The following CNMD variants were observed in gnomAD, a reference collection of about 807,000 sequenced individuals.
CNMD encodes the protein leukocyte cell-derived chemotaxin 1.
A neutral mutation model predicts 37.5 loss-of-function variants in CNMD; 30 were observed. The ratio of observed to expected loss-of-function variants is 0.80; its 90% confidence interval spans 0.60 to 1.09. CNMD has a LOEUF of 1.09. Ranked by LOEUF, CNMD falls within the 50% of genes least tolerant of loss-of-function variation. The probability of loss-of-function intolerance (pLI) is 0.00; values close to 1 mark genes in which losing one functional copy is unlikely to be tolerated. For missense variants in CNMD, 398 were observed against 423.9 expected (o/e 0.94, Z 0.54); for synonymous variants, 167 against 148.2 (o/e 1.13, Z -0.92).
At chr13:52,716,388 A>G (rs1964381854) in intron 4 of CNMD, among the ~76,000 whole-genome samples, 1 of 152,106 alleles carries the variant, frequency 6.6e-6, no homozygotes, top group Non-Finnish European at 1.5e-5. Flanking sequence ...TTTTATTGCC[A>G]TTGCTTTTGG....
intron 3 of CNMD, among the ~76,000 whole-genome samples, chr13:52,724,417 C>CAAA (rs71094319): frequency 0.01 from 869 of 85,772 alleles, 22 homozygotes; most frequent in African/African-American, 0.028. Context: ...ACTAAAAATA[C>CAAA]AAAAAAAAAA....
rs1484094316 is a variant in CNMD at position 52,724,035 on chromosome 13, C to A, written c.430G>T (p.Val144Leu). 7 of 1,614,102 alleles carry A rather than the reference C, an allele frequency of 4.3e-6. No individual in the cohort carries two copies. In the African/African-American group the frequency reaches 6.7e-5, roughly 15 times the overall value. The change falls in exon 4 of 7, where the codon GTG becomes TTG. Residue 144 changes from valine to leucine, a missense_variant. Physicochemically the swap from Val to Leu is conservative, Grantham distance 32. Transcript: ENST00000377962. ...ATGCTCTGTTTGGTCACGGCGCCCA[C>A]CTCAGGAATACGAGCCTTCACTTGC... is the stretch of plus-strand genomic sequence containing the variant. The part of the protein sequence containing the change: ...KAQVKARIPE[V>L]GAVTKQSISS...
At chr13:52,705,029 G>T (rs768901398) in intron 6 of CNMD, among the ~76,000 whole-genome samples, 1 of 150,424 alleles carries the variant, frequency 6.6e-6, no homozygotes, top group Non-Finnish European at 1.5e-5. Flanking sequence ...TTGCACTCCC[G>T]CCTGGGTAAC....
At chr13:52,724,389 C>T (rs1036082847) in intron 3 of CNMD, among the ~76,000 whole-genome samples, 2 of 120,556 alleles carry the variant, frequency 1.7e-5, no homozygotes, top group African/African-American at 3.2e-5. Flanking sequence ...CTGGCTAACA[C>T]GGTGAAACCC....
chr13:52,711,078 C>T (rs777260082), intron 5 of CNMD, among the ~76,000 whole-genome samples: 2 of 152,154 alleles, frequency 1.3e-5, no homozygotes, highest in Non-Finnish European at 2.9e-5. Context: ...TGCAAAACTC[C>T]CTGAGGGCAC....
At chr13:52,704,461 A>ATATAGC (rs5803605) in intron 6 of CNMD, among the ~76,000 whole-genome samples, 1 of 152,012 alleles carries the variant, frequency 6.6e-6, no homozygotes, top group Non-Finnish European at 1.5e-5. Context: ...TTTTATGTAA[A>ATATAGC]TATATAAACA....
chr13:52,733,003 A>T (rs1964698462), intron 3 of CNMD: 3 of 572,012 alleles, frequency 5.2e-6, no homozygotes, highest in Admixed American at 6.7e-5. Context: ...GGTATTTTAC[A>T]ACTGAAGTGT....
At chr13:52,736,536 T>C (rs928774304) in intron 2 of CNMD, among the ~76,000 whole-genome samples, 9 of 152,180 alleles carry the variant, frequency 5.9e-5, no homozygotes, top group Admixed American at 4.6e-4. Flanking sequence ...GGCAGTCCAG[T>C]TTCTAACATA....
In CNMD at chr13:52,703,454, C is replaced by T. The variant is rs1342941285; in HGVS notation, c.*141G>A. The T allele has an allele frequency of 1.7e-6, 1 of 587,874 alleles. No homozygotes were observed. The highest frequency in any genetic ancestry group is 1.9e-5 in the African/African-American group (1 of 53,870). 36.4% of individuals were successfully genotyped at this position (587,874 alleles called of 1,614,324 possible). ...GTTCTGGAAAACAATTGAAAAAATTCTGTTAAGAGTGTCAAGAATAACCGC... is the reference window on the plus strand; with the variant it reads ...GTTCTGGAAAACAATTGAAAAAATTTTGTTAAGAGTGTCAAGAATAACCGC... On this transcript the variant is annotated 3_prime_UTR_variant, in exon 7 of 7. Transcript: ENST00000377962.
chr13:52,725,645 A>G lies in CNMD; in HGVS notation c.355-1535T>C, dbSNP rs571794443. 1.3e-4 allele frequency among the ~76,000 whole-genome samples: 20 copies of G among 152,328 alleles called. No homozygotes were observed. In the South Asian group the frequency reaches 3.7e-3, roughly 28 times the overall value. On this transcript the variant is annotated intron_variant, in intron 3 of 6. Coordinates refer to ENST00000377962, the MANE Select transcript of CNMD (RefSeq NM_007015.3). ...TAGTTTCAGGACTAGTGAATCTAAA[A>G]TAAAGGCCTACAATTTTTATGGTAT...
chr13:52,737,440 T>C (rs1181895185), intron 2 of CNMD, among the ~76,000 whole-genome samples: 2 of 152,230 alleles, frequency 1.3e-5, no homozygotes, highest in African/African-American at 4.8e-5. Context: ...ACTGCTCTCC[T>C]GAACCAGACA....
intron 4 of CNMD, among the ~76,000 whole-genome samples, chr13:52,716,852 A>G (rs987513562): frequency 6.6e-6 from 1 of 152,128 alleles, no homozygotes; most frequent in Non-Finnish European, 1.5e-5. Flanking sequence ...GTTCCACGTG[A>G]AATTTAAAGT....
At chr13:52,729,279 C>T (rs749504734) in intron 3 of CNMD, among the ~76,000 whole-genome samples, 99 of 152,264 alleles carry the variant, frequency 6.5e-4, no homozygotes, top group Non-Finnish European at 1.2e-3. Flanking sequence ...CCAGGGATGT[C>T]AGGTCCTGCA....
chr13:52,719,050 CT>C (rs1028882623), intron 4 of CNMD, among the ~76,000 whole-genome samples: 4 of 152,172 alleles, frequency 2.6e-5, no homozygotes, highest in Non-Finnish European at 5.9e-5. Flanking sequence ...GTTAGTTCTT[CT>C]GGTTGCATTG....
chr13:52,718,400 T>G (rs1196194700), intron 4 of CNMD, among the ~76,000 whole-genome samples: 1 of 152,182 alleles, frequency 6.6e-6, no homozygotes, highest in African/African-American at 2.4e-5. Flanking sequence ...ATTTGTTTGC[T>G]CTTGCTTCTC....
chr13:52,723,192 A>G (rs1023838916), intron 4 of CNMD, among the ~76,000 whole-genome samples: 1 of 152,174 alleles, frequency 6.6e-6, no homozygotes, highest in African/African-American at 2.4e-5. Flanking sequence ...CCTGGGCTCA[A>G]GTGATCCTCC....
chr13:52,739,559 T>G lies in CNMD; in HGVS notation c.72+71A>C. On this transcript the variant is annotated intron_variant, in intron 1 of 6. Coordinates refer to ENST00000377962, the MANE Select transcript of CNMD (RefSeq NM_007015.3). This position sits in a 1 kb window ranked among gnomAD's most constrained non-coding sequence, Gnocchi z 5.4. Reference sequence around the variant, plus strand: ...ACACCCATTCGGTGGCACGCACCCCTGAGTCCGAACTGTGGAACCTGATAC... The same window carrying G: ...ACACCCATTCGGTGGCACGCACCCCGGAGTCCGAACTGTGGAACCTGATAC... 2 of 1,392,000 alleles carry G rather than the reference T, an allele frequency of 1.4e-6. No individual in the cohort carries two copies. The highest frequency in any genetic ancestry group is 2.0e-6 in the Non-Finnish European group (2 of 980,032). 86.2% of individuals were successfully genotyped at this position (1,392,000 alleles called of 1,614,324 possible). A position where few individuals can be genotyped will look rare whatever the true frequency, so the allele number is the denominator to read the frequency against.
intron 2 of CNMD, among the ~76,000 whole-genome samples, chr13:52,738,121 A>G (rs939183084): frequency 6.6e-6 from 1 of 152,222 alleles, no homozygotes; most frequent in Admixed American, 6.5e-5. Context: ...GCAATCACCA[A>G]TCCTCTGAGG....
intron 6 of CNMD, among the ~76,000 whole-genome samples, chr13:52,706,654 C>T (rs1375600211): frequency 2.0e-5 from 3 of 151,874 alleles, no homozygotes; most frequent in Admixed American, 1.3e-4. Flanking sequence ...GAATGAGGTA[C>T]TATGTAGGAA....
Sources: allele counts gnomAD v4.1 joint callset (sites outside exome capture counted in the v4.1 genomes callset), GRCh38; gene constraint gnomAD v4.1.1; non-coding constraint Gnocchi (gnomAD v3.1); transcripts MANE v1.5; gene names NCBI Gene and HGNC (gene_info 2026-07-23, HGNC 2026-07-21).